PCDH9: variants seen among roughly 807,000 people sequenced by gnomAD.
The protein encoded by PCDH9 is protocadherin 9.
A neutral mutation model predicts 70.6 loss-of-function variants in PCDH9; 24 were observed. The ratio of observed to expected loss-of-function variants is 0.34; its 90% CI spans 0.25 to 0.48. The LOEUF (loss-of-function observed/expected upper bound fraction) is 0.48, where lower values mean the gene tolerates loss of function less well. Ranked by LOEUF, PCDH9 falls within the 20% of genes least tolerant of loss-of-function variation. PCDH9 has a pLI of 0.99. For missense variants in PCDH9, 1,281 were observed against 1,503.6 expected, an observed-to-expected ratio of 0.85 and a Z score of 2.45; for synonymous variants, 562 against 558.5, an observed-to-expected ratio of 1.01 and a Z score of -0.09.
At chr13:66,717,351 C>T (rs996606565) in intron 3 of PCDH9, among the ~76,000 whole-genome samples, 2 of 144,774 alleles carry the variant, frequency 1.4e-5, no homozygotes, top group Non-Finnish European at 1.5e-5. Context: ...ACTCAGGAGG[C>T]TGAGCCAGGA....
chr13:66,823,245 C>T (rs536295781), intron 3 of PCDH9, among the ~76,000 whole-genome samples: 1 of 151,836 alleles, frequency 6.6e-6, no homozygotes, highest in East Asian at 1.9e-4. Context: ...TGCATTTATA[C>T]ATTTTTAGCT....
intron 3 of PCDH9, among the ~76,000 whole-genome samples, chr13:66,835,114 C>T (rs1421121968): frequency 1.3e-5 from 2 of 152,170 alleles, no homozygotes; most frequent in Non-Finnish European, 2.9e-5. Context: ...GACTGACTAC[C>T]AAATTGACAT....
chr13:67,205,332 C>T (rs893441225), intron 2 of PCDH9: 1 of 152,156 alleles, frequency 6.6e-6, no homozygotes, highest in Non-Finnish European at 1.5e-5. Flanking sequence ...CACCTTCAGT[C>T]AACATGTTGA....
At chr13:66,790,879 T>C (rs2080153418) in intron 3 of PCDH9, among the ~76,000 whole-genome samples, 1 of 152,168 alleles carries the variant, frequency 6.6e-6, no homozygotes, top group Admixed American at 6.5e-5. Flanking sequence ...GTTTTTAAAA[T>C]TGTATTTTAT....
At chr13:66,909,017 T>A (rs1371023872) in intron 2 of PCDH9, among the ~76,000 whole-genome samples, 1 of 152,160 alleles carries the variant, frequency 6.6e-6, no homozygotes, top group Non-Finnish European at 1.5e-5. Flanking sequence ...TAAAATGATA[T>A]GAAGGAAATG....
intron 3 of PCDH9, among the ~76,000 whole-genome samples, chr13:66,825,893 T>G (rs2080815748): frequency 6.6e-6 from 1 of 152,148 alleles, no homozygotes; most frequent in South Asian, 2.1e-4. Context: ...TTATTCCTAA[T>G]TTTTTTAAAA....
At chr13:67,190,923 G>T (rs2088893456) in intron 2 of PCDH9, among the ~76,000 whole-genome samples, 1 of 151,974 alleles carries the variant, frequency 6.6e-6, no homozygotes, top group Admixed American at 6.6e-5. Flanking sequence ...TACACAATGG[G>T]AAAATAGTCA....
intron 4 of PCDH9, among the ~76,000 whole-genome samples, chr13:66,556,475 C>T (rs371650702): frequency 1.3e-5 from 2 of 152,220 alleles, no homozygotes; most frequent in South Asian, 4.2e-4. Context: ...TGATATATCA[C>T]ATTCCATTGC....
At chr13:66,960,877 T>C (rs1030288551) in intron 2 of PCDH9, among the ~76,000 whole-genome samples, 1 of 152,178 alleles carries the variant, frequency 6.6e-6, no homozygotes, top group Non-Finnish European at 1.5e-5. Flanking sequence ...ATCTTGAGTT[T>C]TGTTTCTATT....
At chr13:66,903,439 T>C in intron 3 of PCDH9, 65 bp downstream of exon 3, 2 of 612,500 alleles carry the variant, frequency 3.3e-6, no homozygotes, top group Non-Finnish European at 5.8e-6. Flanking sequence ...GATAGAGTAT[T>C]TAAAATCATG....
chr13:67,020,932 T>C (rs1331009643), intron 2 of PCDH9, among the ~76,000 whole-genome samples: 2 of 152,206 alleles, frequency 1.3e-5, no homozygotes, highest in African/African-American at 4.8e-5. Context: ...CAGTGAAAAT[T>C]TGTATGAGAA....
chr13:66,611,530 C>T (rs569773276), intron 4 of PCDH9, among the ~76,000 whole-genome samples: 1 of 152,218 alleles, frequency 6.6e-6, no homozygotes, highest in Non-Finnish European at 1.5e-5. Flanking sequence ...TGTTTTTCAG[C>T]TAAATCTATG....
chr13:66,683,833 T>C (rs948372487), intron 3 of PCDH9, among the ~76,000 whole-genome samples: 1 of 143,312 alleles, frequency 7.0e-6, no homozygotes, highest in African/African-American at 2.5e-5. Flanking sequence ...CATACCCAAA[T>C]TGTAGCCAAA....
At chr13:67,222,614 C>T (rs1305248334) in intron 2 of PCDH9, 2 of 151,978 alleles carry the variant, frequency 1.3e-5, no homozygotes, top group Non-Finnish European at 2.9e-5. Flanking sequence ...TGCATTTTAC[C>T]CACATATCAA....
chr13:67,006,720 G>C (rs1199723231), intron 2 of PCDH9, among the ~76,000 whole-genome samples: 1 of 151,962 alleles, frequency 6.6e-6, no homozygotes, highest in African/African-American at 2.4e-5. Context: ...ATTTTCATTT[G>C]TTTAGCTCCT....
At chr13:66,656,553 G>A (rs2077932351) in intron 3 of PCDH9, among the ~76,000 whole-genome samples, 1 of 151,228 alleles carries the variant, frequency 6.6e-6, no homozygotes, top group Admixed American at 6.6e-5. Context: ...TTCTCCAGCT[G>A]TGAAAGTGAT....
At chr13:66,697,567 C>G (rs1288175251) in intron 3 of PCDH9, among the ~76,000 whole-genome samples, 1 of 152,142 alleles carries the variant, frequency 6.6e-6, no homozygotes, top group Non-Finnish European at 1.5e-5. Context: ...GCATTATTGA[C>G]ATTTTGGACC....
chr13:66,732,682 T>G (rs879808210), intron 3 of PCDH9, among the ~76,000 whole-genome samples: 16 of 152,072 alleles, frequency 1.1e-4, no homozygotes, highest in Non-Finnish European at 2.2e-4. Flanking sequence ...TGCTTATATC[T>G]CCAAATTATG....
intron 2 of PCDH9, among the ~76,000 whole-genome samples, chr13:66,908,510 T>C (rs2082401844): frequency 6.6e-6 from 1 of 152,194 alleles, no homozygotes; most frequent in African/African-American, 2.4e-5. Context: ...AACAATCTTC[T>C]ATTCATAAGA....
Sources: allele counts gnomAD v4.1 joint callset (sites outside exome capture counted in the v4.1 genomes callset), GRCh38; gene constraint gnomAD v4.1.1; transcripts MANE v1.5; gene names NCBI Gene and HGNC (gene_info 2026-07-23, HGNC 2026-07-21).